Variants in FBXO42 observed in about 807,000 individuals in gnomAD.
FBXO42 encodes F-box only protein 42.
Under a neutral mutation model 71.7 loss-of-function variants are expected in FBXO42, and 12 were observed. The ratio of observed to expected loss-of-function variants is 0.17; its 90% CI spans 0.11 to 0.27. FBXO42 has a LOEUF of 0.27. Ranked by LOEUF, FBXO42 falls within the 10% of genes least tolerant of loss-of-function variation. FBXO42 has a pLI of 1.00. For synonymous variants in FBXO42, 325 were observed against 327.5 expected, an observed-to-expected ratio of 0.99 and a Z score of 0.08; for missense variants, 707 against 911.9, an observed-to-expected ratio of 0.78 and a Z score of 2.89.
rs746020818 is a variant in FBXO42 at position 16,253,143 on chromosome 1, C to G, written c.874G>C (p.Asp292His). The change falls in exon 8 of 10, where the codon GAT (aspartate) becomes CAT (histidine). Residue 292 changes from aspartate to histidine, a missense_variant. By Grantham distance (81) the Asp-to-His change is moderately conservative (BLOSUM62 -1). Transcript: ENST00000375592. ...CCGAGGATTAAGATAGTTGCATCAT[C>G]TATGACAATCTGAGGAGGGGAAGAC... ...PRGGQSQIVI[D>H]DATILILGGC... 1.2e-6 allele frequency: 2 copies of G among 1,613,380 alleles called. No homozygotes were observed. The highest frequency in any genetic ancestry group is 1.7e-6 in the Non-Finnish European group (2 of 1,179,734).
chr1:16,343,893 C>T (rs2082630326), intron 1 of FBXO42, among the ~76,000 whole-genome samples: 2 of 149,966 alleles, frequency 1.3e-5, no homozygotes. Context: ...GCAGGAGGAT[C>T]GCTTGAGCCA....
intron 1 of FBXO42, among the ~76,000 whole-genome samples, chr1:16,326,983 GCACCATCTCTCTCT>G (rs2082457667): frequency 6.6e-6 from 1 of 152,110 alleles, no homozygotes; most frequent in African/African-American, 2.4e-5. Context: ...CACTTACACA[GCACCATCTCTCTCT>G]CACCATCTCT....
At chr1:16,347,312 T>C (rs2082661700) in intron 1 of FBXO42, among the ~76,000 whole-genome samples, 1 of 150,882 alleles carries the variant, frequency 6.6e-6, no homozygotes, top group Non-Finnish European at 1.5e-5. Flanking sequence ...AGACAGGAGT[T>C]CGAGAGTAGC....
chr1:16,301,341 A>G (rs947265569), intron 3 of FBXO42, among the ~76,000 whole-genome samples: 2 of 152,134 alleles, frequency 1.3e-5, no homozygotes, highest in Non-Finnish European at 2.9e-5. Context: ...AATTTATTAG[A>G]TATCAACTAT....
chr1:16,330,267 TC>T (rs1246869531), intron 1 of FBXO42, among the ~76,000 whole-genome samples: 1 of 152,098 alleles, frequency 6.6e-6, no homozygotes, highest in Non-Finnish European at 1.5e-5. Context: ...ATGCCTGTAA[TC>T]CCAGCACTTT....
intron 4 of FBXO42, among the ~76,000 whole-genome samples, chr1:16,286,384 G>A (rs2082022330): frequency 6.6e-6 from 1 of 152,126 alleles, no homozygotes; most frequent in Admixed American, 6.6e-5. Flanking sequence ...GGAGAAACAG[G>A]CACCTTCTTC....
At chr1:16,340,448 G>A (rs995508561) in intron 1 of FBXO42, among the ~76,000 whole-genome samples, 1 of 151,920 alleles carries the variant, frequency 6.6e-6, no homozygotes, top group Non-Finnish European at 1.5e-5. Flanking sequence ...AGCCTCCCGA[G>A]TAGCTGGAAT....
At position 16,319,766 on chromosome 1, in the gene FBXO42, C is replaced by T. The variant is rs1051550800; in HGVS notation, c.-17-4331G>A. 4.6e-5 allele frequency among the ~76,000 whole-genome samples: 7 copies of T among 151,678 alleles called. No individual in the cohort carries two copies. The East Asian group carries it at 5.9e-4, about 13-fold the overall frequency. On this transcript the variant is annotated intron_variant, in intron 1 of 9. Coordinates refer to ENST00000375592, the MANE Select transcript of FBXO42 (RefSeq NM_018994.3). Reference sequence around the variant, plus strand: ...TCTCTACTAAAAATACAAAAATTAGCCGGGCATGGTGCCGTGCACCTGTAG... The same window carrying T: ...TCTCTACTAAAAATACAAAAATTAGTCGGGCATGGTGCCGTGCACCTGTAG...
chr1:16,349,963 G>C (rs1026929168), intron 1 of FBXO42, among the ~76,000 whole-genome samples: 1 of 152,194 alleles, frequency 6.6e-6, no homozygotes, highest in Non-Finnish European at 1.5e-5. Flanking sequence ...TGGGACCTCA[G>C]TGTTCTCATA....
At chr1:16,309,054 T>A (rs1404463144) in intron 2 of FBXO42, among the ~76,000 whole-genome samples, 7 of 105,262 alleles carry the variant, frequency 6.7e-5, no homozygotes, top group African/African-American at 1.9e-4. Context: ...GGAGACCCCA[T>A]CTCTTTTTTT....
rs1215444932 is a variant in FBXO42 at position 16,250,232 on chromosome 1, C to G, written c.*438G>C. Reference sequence around the variant, plus strand: ...CTGAAGCATGAGAGTCTAAAACCCTCCACCTTTGCAACTTACATATGCCCT... The same window carrying G: ...CTGAAGCATGAGAGTCTAAAACCCTGCACCTTTGCAACTTACATATGCCCT... On this transcript the variant is annotated 3_prime_UTR_variant, in exon 10 of 10. Coordinates refer to ENST00000375592, the MANE Select transcript of FBXO42 (RefSeq NM_018994.3). The surrounding 1 kb of genome is among the most constrained non-coding windows in gnomAD (Gnocchi z 4.7). 3 of 152,468 alleles carry G rather than the reference C, an allele frequency of 2.0e-5. No homozygotes were observed. The highest frequency in any genetic ancestry group is 4.4e-5 in the Non-Finnish European group (3 of 68,092). 9.4% of individuals were successfully genotyped at this position (152,468 alleles called of 1,614,324 possible).
rs1330780396 is a variant in FBXO42 at position 16,247,586 on chromosome 1, C to T, written c.*3084G>A. Reference sequence around the variant, plus strand: ...TTCTTTATTTTAAAGAGTTCCAACACAGTTCCTAGAATAGTTCATGGTTTT... The same window carrying T: ...TTCTTTATTTTAAAGAGTTCCAACATAGTTCCTAGAATAGTTCATGGTTTT... On this transcript the variant is annotated 3_prime_UTR_variant, in exon 10 of 10. Coordinates refer to ENST00000375592, the MANE Select transcript of FBXO42 (RefSeq NM_018994.3). 2 of 152,186 alleles carry T rather than the reference C, an allele frequency of 1.3e-5. No homozygotes were observed. Among genetic ancestry groups the T allele is most frequent in the Non-Finnish European group, 2.9e-5 (2 of 68,046 alleles). The allele number at this position is 152,186 out of a possible 1,614,324, so 9.4% of individuals were successfully genotyped here.
intron 4 of FBXO42, among the ~76,000 whole-genome samples, chr1:16,285,211 T>C (rs1247434259): frequency 6.6e-6 from 1 of 151,970 alleles, no homozygotes; most frequent in Non-Finnish European, 1.5e-5. Flanking sequence ...ACTTAGCACC[T>C]CAGCTCCTTG....
At position 16,251,667 on chromosome 1, in the gene FBXO42, G is replaced by T; in HGVS notation, c.1157C>A (p.Thr386Asn). The T allele has an allele frequency of 6.2e-7, 1 of 1,614,198 alleles. No individual in the cohort carries two copies. Among genetic ancestry groups the T allele is most frequent in the Non-Finnish European group, 8.5e-7 (1 of 1,180,046 alleles). Residue 386 changes from threonine to asparagine, a missense_variant, in exon 10 of 10, where the codon ACC (threonine) becomes AAC (asparagine). Physicochemically the swap from Thr to Asn is moderately conservative, Grantham distance 65. Around this residue, in one of 5 missense-constraint regions of FBXO42, gnomAD observed 482 missense variants for 587.1 expected, o/e 0.82. Transcript: ENST00000375592. The surrounding 1 kb of genome is among the most constrained non-coding windows in gnomAD (Gnocchi z 4.5). ...TGGAGACTGAGAGCGGTACTCTCGG[G>T]TTTCAGGAACGAGAGCTGGAGGAGT... Reference protein sequence around the residue: ...SATPPALVPETREYRSQSPVR... With the variant: ...SATPPALVPENREYRSQSPVR...
chr1:16,265,388 G>T (rs2081760456), intron 4 of FBXO42, among the ~76,000 whole-genome samples: 1 of 152,026 alleles, frequency 6.6e-6, no homozygotes, highest in Non-Finnish European at 1.5e-5. Flanking sequence ...ACCGTGCCCG[G>T]CCTAAAAAAT....
chr1:16,341,171 G>T (rs2082601111), intron 1 of FBXO42, among the ~76,000 whole-genome samples: 1 of 152,180 alleles, frequency 6.6e-6, no homozygotes, highest in South Asian at 2.1e-4. Context: ...GAGAAAAAAA[G>T]AATATATGCA....
At chr1:16,319,628 C>G (rs34887913) in intron 1 of FBXO42, among the ~76,000 whole-genome samples, 19 of 152,220 alleles carry the variant, frequency 1.2e-4, no homozygotes, top group African/African-American at 4.6e-4. Flanking sequence ...AAAAAGGATC[C>G]TAGGCCAGGT....
At chr1:16,311,521 T>C (rs946595554) in intron 2 of FBXO42, among the ~76,000 whole-genome samples, 1 of 143,980 alleles carries the variant, frequency 6.9e-6, no homozygotes, top group Non-Finnish European at 1.5e-5. Flanking sequence ...TATATATATA[T>C]ATATATACAT....
chr1:16,262,864 C>T (rs1048674092), intron 4 of FBXO42, among the ~76,000 whole-genome samples: 4 of 151,988 alleles, frequency 2.6e-5, no homozygotes, highest in African/African-American at 9.7e-5. Context: ...CACGTGCCAC[C>T]ACGGCAGGCT....
Sources: gnomAD v4.1 joint callset for allele counts (sites outside exome capture counted in the v4.1 genomes callset) on GRCh38, gnomAD v4.1.1 for gene constraint, gnomAD v4.1.1 regional missense constraint, Gnocchi (gnomAD v3.1) non-coding constraint, MANE v1.5 for transcripts, NCBI Gene and HGNC (gene_info 2026-07-23, HGNC 2026-07-21) for gene names.